The following WNT7B variants were observed in gnomAD, a reference collection of about 807,000 sequenced individuals.
WNT7B encodes protein Wnt-7b.
A neutral mutation model predicts 38.2 loss-of-function variants in WNT7B; 19 were observed. The observed-to-expected ratio is 0.50, with a 90% CI of 0.35 to 0.73. WNT7B has a LOEUF of 0.73. Among genes scored for constraint, WNT7B ranks in the 30% least tolerant of loss-of-function variants. WNT7B has a pLI of 0.01. For missense variants in WNT7B, 423 were observed against 507.9 expected, an observed-to-expected ratio of 0.83 and a Z score of 1.61; for synonymous variants, 243 against 209.3, an observed-to-expected ratio of 1.16 and a Z score of -1.39.
intron 1 of WNT7B, among the ~76,000 whole-genome samples, chr22:45,953,115 A>C (rs1931972900): frequency 6.7e-6 from 1 of 148,892 alleles, no homozygotes; most frequent in African/African-American, 2.5e-5. Context: ...CTGCAGTCTC[A>C]CAGTCACCGT....
rs1386810266 is a variant in WNT7B at position 45,949,917 on chromosome 22, T to C, written c.298+3A>G. On this transcript the variant is annotated splice_donor_region_variant and intron_variant, in intron 2 of 3. Transcript: ENST00000339464. ...GGCCCCTTGAGCCCAGAGGCGCCCT[T>C]ACCTACTCGGAGCTCTTGCCCGAAG... is the stretch of plus-strand genomic sequence containing the variant. The C allele has an allele frequency of 3.1e-6, 5 of 1,605,590 alleles. No homozygotes were observed. The highest frequency in any genetic ancestry group is 4.3e-6 in the Non-Finnish European group (5 of 1,173,748).
chr22:45,928,442 C>T (rs1267375330), intron 3 of WNT7B, among the ~76,000 whole-genome samples: 1 of 152,074 alleles, frequency 6.6e-6, no homozygotes, highest in Non-Finnish European at 1.5e-5. Flanking sequence ...GCATTGCACC[C>T]ACTGTGCAGA....
chr22:45,976,650 C>T lies in WNT7B; in HGVS notation c.71+34G>A. Reference sequence around the variant, plus strand: ...GGCAGCTCCTTCGTGCTGTCTTGGCCCCTGGCTGCTGCCCTCGCCCACGGG... The same window carrying T: ...GGCAGCTCCTTCGTGCTGTCTTGGCTCCTGGCTGCTGCCCTCGCCCACGGG... On this transcript the variant is annotated intron_variant, in intron 1 of 3. Transcript: ENST00000339464. The surrounding 1 kb of genome is among the most constrained non-coding windows in gnomAD (Gnocchi z 8.5). 1 of 1,596,906 alleles carries T rather than the reference C, an allele frequency of 6.3e-7. No individual in the cohort carries two copies. Among genetic ancestry groups the T allele is most frequent in the Non-Finnish European group, 8.5e-7 (1 of 1,170,978 alleles).
At chr22:45,929,484 A>ACATC (rs1166310041) in intron 3 of WNT7B, among the ~76,000 whole-genome samples, 1 of 62,844 alleles carries the variant, frequency 1.6e-5, no homozygotes, top group East Asian at 4.2e-4. Context: ...TTCCATCTGT[A>ACATC]CATCCACCCA....
chr22:45,976,654 G>T lies in WNT7B; in HGVS notation c.71+30C>A. On this transcript the variant is annotated intron_variant, in intron 1 of 3. Transcript: ENST00000339464. The surrounding 1 kb of genome is among the most constrained non-coding windows in gnomAD (Gnocchi z 8.5). ...GCTCCTTCGTGCTGTCTTGGCCCCT[G>T]GCTGCTGCCCTCGCCCACGGGGTAC... 6.3e-7 allele frequency: 1 copy of T among 1,599,394 alleles called. No individual in the cohort carries two copies. The highest frequency in any genetic ancestry group is 8.5e-7 in the Non-Finnish European group (1 of 1,172,214).
rs1229892906 is a variant in WNT7B, at chr22:45,976,749, G to A, written c.6C>T (p.His2=). 4 of 1,608,494 alleles carry A rather than the reference G, an allele frequency of 2.5e-6. No individual in the cohort carries two copies. Among genetic ancestry groups the A allele is most frequent in the South Asian group, 1.1e-5 (1 of 90,816 alleles). Residue 2 remains histidine (H), a synonymous_variant, in exon 1 of 4, where the codon CAC becomes CAT. Transcript: ENST00000339464. The surrounding 1 kb of genome is among the most constrained non-coding windows in gnomAD (Gnocchi z 8.5). M[H]RNFRKWIFYV... ...AGAAAATCCACTTGCGAAAGTTTCT[G>A]TGCATGATCCAGGGAGGGGGGCTGC...
intron 2 of WNT7B, 138 bp from the exon 3 acceptor site, chr22:45,931,507 C>G (rs1206577717): frequency 4.6e-6 from 5 of 1,077,618 alleles, no homozygotes; most frequent in Admixed American, 5.8e-5. Flanking sequence ...CCCCTCTGTG[C>G]CTCTGACTCA....
At chr22:45,926,550 C>G in intron 3 of WNT7B, 3 of 985,428 alleles carry the variant, frequency 3.0e-6, no homozygotes, top group Non-Finnish European at 3.6e-6. Flanking sequence ...GCGAGACTGA[C>G]CAGCCCAGGA....
At chr22:45,930,445 T>C (rs1295212941) in intron 3 of WNT7B, among the ~76,000 whole-genome samples, 4 of 152,232 alleles carry the variant, frequency 2.6e-5, no homozygotes, top group East Asian at 1.9e-4. Context: ...TCTCAGGCCA[T>C]CTTGCCGCCG....
At chr22:45,948,921 T>C (rs1931862449) in intron 2 of WNT7B, among the ~76,000 whole-genome samples, 1 of 141,888 alleles carries the variant, frequency 7.0e-6, no homozygotes, top group African/African-American at 2.6e-5. Context: ...CTCGGCTCAC[T>C]GCAACCTCTC....
At chr22:45,973,344 C>T (rs1165219058) in intron 1 of WNT7B, among the ~76,000 whole-genome samples, 1 of 152,214 alleles carries the variant, frequency 6.6e-6, no homozygotes, top group East Asian at 1.9e-4. Context: ...ATCTGAATCA[C>T]AGCACAAAGC....
chr22:45,972,398 G>A (rs1304254031), intron 1 of WNT7B: 4 of 285,738 alleles, frequency 1.4e-5, no homozygotes, highest in African/African-American at 6.8e-5. Context: ...CCCGTGCCCC[G>A]CCGCTAGGGC....
At chr22:45,934,118 C>T (rs776023668) in intron 2 of WNT7B, among the ~76,000 whole-genome samples, 10 of 152,208 alleles carry the variant, frequency 6.6e-5, no homozygotes, top group African/African-American at 1.4e-4. Flanking sequence ...CCATGATTCC[C>T]GGTTTACAGA....
chr22:45,928,247 C>A (rs1931156158), intron 3 of WNT7B, among the ~76,000 whole-genome samples: 1 of 152,162 alleles, frequency 6.6e-6, no homozygotes, highest in Non-Finnish European at 1.5e-5. Context: ...TGTGATGGGG[C>A]TAGGGCCCCA....
intron 1 of WNT7B, among the ~76,000 whole-genome samples, chr22:45,953,020 A>G (rs1931969904): frequency 6.6e-6 from 1 of 152,196 alleles, no homozygotes; most frequent in Admixed American, 6.5e-5. Flanking sequence ...GGCCCAGGTG[A>G]AAGCCCCACT....
chr22:45,958,537 A>T, intron 1 of WNT7B, among the ~76,000 whole-genome samples: 1 of 152,184 alleles, frequency 6.6e-6, no homozygotes, highest in East Asian at 1.9e-4. Flanking sequence ...CTGGCCTCAG[A>T]GTCCCCTCAT....
chr22:45,940,850 T>A (rs774763322), intron 2 of WNT7B, among the ~76,000 whole-genome samples: 1 of 152,118 alleles, frequency 6.6e-6, no homozygotes, highest in Non-Finnish European at 1.5e-5. Context: ...CAGGGAACAG[T>A]GCTCCAGGCA....
chr22:45,928,499 C>G (rs900748872), intron 3 of WNT7B, among the ~76,000 whole-genome samples: 2 of 150,538 alleles, frequency 1.3e-5, no homozygotes, highest in African/African-American at 5.0e-5. Flanking sequence ...CAGGGCCCCA[C>G]CGGCCATCCG....
At chr22:45,944,645 G>C (rs915457956) in intron 2 of WNT7B, among the ~76,000 whole-genome samples, 1 of 152,228 alleles carries the variant, frequency 6.6e-6, no homozygotes, top group African/African-American at 2.4e-5. Flanking sequence ...AGACCACCAA[G>C]GTGTGGCCAG....
Sources: gnomAD v4.1 joint callset for allele counts (sites outside exome capture counted in the v4.1 genomes callset) on GRCh38, gnomAD v4.1.1 for gene constraint, Gnocchi (gnomAD v3.1) non-coding constraint, MANE v1.5 for transcripts, NCBI Gene and HGNC (gene_info 2026-07-23, HGNC 2026-07-21) for gene names.